CNOT1: variants seen among roughly 807,000 people sequenced by gnomAD.
CNOT1 encodes the protein CCR4-associated factor 1.
In CNOT1, 15 loss-of-function variants were observed where a neutral mutation model predicts 273.8. The ratio of observed to expected loss-of-function variants is 0.05; its 90% CI spans 0.04 to 0.08. The LOEUF (loss-of-function observed/expected upper bound fraction) is 0.08. Ranked by LOEUF, CNOT1 falls within the 10% of genes least tolerant of loss-of-function variation. The pLI is 1.00. For missense variants in CNOT1, 1,644 were observed against 2,912.2 expected (o/e 0.56, Z 10.02); for synonymous variants, 1,022 against 1,005.5 (o/e 1.02, Z -0.31).
chr16:58,532,512 C>A, intron 40 of CNOT1, 117 bp from the exon 41 acceptor site: 1 of 1,447,924 alleles, frequency 6.9e-7, no homozygotes. Context: ...AGCATATATA[C>A]AATTTGAATA....
At chr16:58,554,336 G>C (rs2040556435) in intron 21 of CNOT1, among the ~76,000 whole-genome samples, 1 of 152,144 alleles carries the variant, frequency 6.6e-6, no homozygotes, top group South Asian at 2.1e-4. Flanking sequence ...CAGGGAAGGG[G>C]ACTAACTACA....
intron 16 of CNOT1, among the ~76,000 whole-genome samples, chr16:58,567,727 A>C (rs1029976364): frequency 6.6e-6 from 1 of 152,214 alleles, no homozygotes; most frequent in African/African-American, 2.4e-5. Context: ...CAAGTTTTCT[A>C]GCACATTAAT....
chr16:58,521,486 T>C (rs1176055146), intron 47 of CNOT1, among the ~76,000 whole-genome samples, 169 bp from the exon 48 acceptor site: 3 of 152,250 alleles, frequency 2.0e-5, no homozygotes, highest in Admixed American at 6.5e-5. Context: ...CAGGTTGGAA[T>C]ACCTGGGTTT....
intron 2 of CNOT1, among the ~76,000 whole-genome samples, chr16:58,595,933 A>C (rs2042235549): frequency 2.0e-5 from 3 of 152,258 alleles, no homozygotes; most frequent in African/African-American, 7.2e-5. Flanking sequence ...AAGTGTAAAA[A>C]GGATAAAGGT....
chr16:58,575,225 A>G, intron 14 of CNOT1, 96 bp from the exon 15 acceptor site: 5 of 1,514,416 alleles, frequency 3.3e-6, no homozygotes, highest in Non-Finnish European at 4.4e-6. Context: ...ACAAGTTCAA[A>G]TAAAACACAC....
intron 1 of CNOT1, among the ~76,000 whole-genome samples, chr16:58,604,955 T>C (rs1355544818): frequency 1.4e-5 from 2 of 148,052 alleles, no homozygotes; most frequent in Non-Finnish European, 1.5e-5. Flanking sequence ...CCTAACACGG[T>C]GAAACCCCAT....
At chr16:58,585,604 G>C in intron 7 of CNOT1, 98 bp from the exon 8 acceptor site, 1 of 1,472,928 alleles carries the variant, frequency 6.8e-7, no homozygotes, top group South Asian at 1.5e-5. Context: ...TCTCTCACAA[G>C]TTCATATTCA....
Position 58,543,663 on chromosome 16 carries a change from G to C in CNOT1, c.4378C>G (p.Pro1460Ala). The part of the protein sequence containing the change: ...AGMAMITCRE[P>A]LLMSISTNLK... ...TTGGTAGATATGCTCATGAGCAAAG[G>C]TTCCCTGCATGTAATCATAGCCATT... is the stretch of plus-strand genomic sequence containing the variant. The change falls in exon 31 of 49, where the codon CCT becomes GCT. Residue 1460 changes from proline (P) to alanine (A), a missense_variant. This residue lies in a region of CNOT1 where 133 missense variants were observed against 230.4 expected (regional missense o/e 0.58). Coordinates refer to ENST00000317147, the MANE Select transcript of CNOT1 (RefSeq NM_016284.5). 1 of 1,614,188 alleles carries C rather than the reference G, an allele frequency of 6.2e-7. No individual in the cohort carries two copies. The highest frequency in any genetic ancestry group is 8.5e-7 in the Non-Finnish European group (1 of 1,180,038).
Position 58,520,750 on chromosome 16 carries a change from A to C in CNOT1, c.*208T>G, listed in dbSNP as rs913744985. 7.0e-6 allele frequency: 4 copies of C among 574,526 alleles called. No individual in the cohort carries two copies. The highest frequency in any genetic ancestry group is 5.6e-5 in the African/African-American group (3 of 53,478). The allele number at this position is 574,526 out of a possible 1,614,324, so 35.6% of individuals were successfully genotyped here. A position where few individuals can be genotyped will look rare whatever the true frequency, so the allele number is the denominator to read the frequency against. ...AAATGATATTCACAGCATCTTCTAA[A>C]TTTTGGCCAAGAGTCAAAAAAATGC... On this transcript the variant is annotated 3_prime_UTR_variant, in exon 49 of 49. Transcript: ENST00000317147.
intron 7 of CNOT1, among the ~76,000 whole-genome samples, chr16:58,586,031 C>T (rs943971556): frequency 3.3e-5 from 5 of 150,814 alleles, no homozygotes; most frequent in Non-Finnish European, 7.4e-5. Flanking sequence ...AGCTCAGAGG[C>T]AACAAAATAA....
chr16:58,553,989 A>T, intron 21 of CNOT1, 129 bp from the exon 22 acceptor site: 1 of 1,290,474 alleles, frequency 7.7e-7, no homozygotes, highest in Non-Finnish European at 9.9e-7. Context: ...TTTGAAGAAA[A>T]TGTCAAAGTG....
chr16:58,571,451 T>C (rs185636619), intron 16 of CNOT1, among the ~76,000 whole-genome samples: 3 of 152,070 alleles, frequency 2.0e-5, no homozygotes, highest in East Asian at 1.9e-4. Context: ...TTCCAGCTAC[T>C]CCAGAGGCTG....
At chr16:58,608,347 G>A (rs2042762497) in intron 1 of CNOT1, among the ~76,000 whole-genome samples, 1 of 151,908 alleles carries the variant, frequency 6.6e-6, no homozygotes, top group South Asian at 2.1e-4. Context: ...TTTAGGTCAT[G>A]AGTTCGAGAC....
rs1482571943 is a variant in CNOT1 at position 58,532,086 on chromosome 16, A to G, written c.6060-11T>C. 12 of 1,613,918 alleles carry G rather than the reference A, an allele frequency of 7.4e-6. No individual in the cohort carries two copies. Among genetic ancestry groups the G allele is most frequent in the Non-Finnish European group, 9.3e-6 (11 of 1,180,000 alleles). ...ATGTGGAATGTATTGCTGAAAGAAG[A>G]AAAACCTTAGTCAGAAGCACAGTCC... On this transcript the variant is annotated splice_polypyrimidine_tract_variant and intron_variant, in intron 41 of 48. Transcript: ENST00000317147.
At chr16:58,606,931 G>A (rs74020115) in intron 1 of CNOT1, among the ~76,000 whole-genome samples, 2 of 148,096 alleles carry the variant, frequency 1.4e-5, no homozygotes, top group African/African-American at 5.0e-5. Flanking sequence ...CTGGGGGGGG[G>A]AAAGGATTAT....
chr16:58,538,453 G>A (rs1464668049), intron 36 of CNOT1, among the ~76,000 whole-genome samples, 187 bp from the exon 37 acceptor site: 1 of 152,124 alleles, frequency 6.6e-6, no homozygotes, highest in African/African-American at 2.4e-5. Flanking sequence ...CAAATCCTAG[G>A]ATACAGAGTA....
chr16:58,532,705 A>G, intron 40 of CNOT1: 1 of 272,834 alleles, frequency 3.7e-6, no homozygotes, highest in South Asian at 6.7e-5. Flanking sequence ...ATGTTAACAC[A>G]ATATAACAAT....
intron 24 of CNOT1, among the ~76,000 whole-genome samples, chr16:58,550,621 G>C (rs1228897487): frequency 6.6e-6 from 1 of 151,984 alleles, no homozygotes; most frequent in African/African-American, 2.4e-5. Context: ...TCACAGTAAG[G>C]CTTCTGCATG....
rs71666373 is a variant in CNOT1 at position 58,597,099 on chromosome 16, G to GAA, written c.102+2135_102+2136dup. 7.0e-3 allele frequency among the ~76,000 whole-genome samples: 931 copies of GAA among 133,532 alleles called. 5 individuals carry two copies. The highest frequency in any genetic ancestry group is 7.8e-3 in the Admixed American group (102 of 13,078). 87.6% of individuals were successfully genotyped at this position (133,532 alleles called of 152,430 possible). On this transcript the variant is annotated intron_variant, in intron 2 of 48. Transcript: ENST00000317147. The stretch of plus-strand genomic sequence containing the variant: ...CAAGCTCAACCAGGGCATTTAAAAA[G>GAA]AAAAAAAAAAAAAAGGACTAAGTAG...
Sources: gnomAD v4.1 joint callset for allele counts (sites outside exome capture counted in the v4.1 genomes callset) on GRCh38, gnomAD v4.1.1 for gene constraint, gnomAD v4.1.1 regional missense constraint, MANE v1.5 for transcripts, NCBI Gene and HGNC (gene_info 2026-07-23, HGNC 2026-07-21) for gene names.